ZNF827: variants seen among roughly 807,000 people sequenced by gnomAD.
The protein encoded by ZNF827 is zinc finger protein 827.
Under a neutral mutation model 102.4 loss-of-function variants are expected in ZNF827, and 13 were observed. The observed-to-expected ratio is 0.13, with a 90% CI of 0.08 to 0.20. The LOEUF is 0.20. Ranked by LOEUF, ZNF827 falls within the 10% of genes least tolerant of loss-of-function variation. The pLI is 1.00. For missense variants in ZNF827, 1,103 were observed against 1,344.4 expected (o/e 0.82, Z 2.81); for synonymous variants, 523 against 536.2 (o/e 0.98, Z 0.34).
chr4:145,814,716 G>C (rs1288019270), intron 8 of ZNF827, among the ~76,000 whole-genome samples: 1 of 148,644 alleles, frequency 6.7e-6, no homozygotes, highest in Non-Finnish European at 1.5e-5. Context: ...CTGAAGTCAG[G>C]AGTTCAAGAC....
At position 145,823,537 on chromosome 4, in the gene ZNF827, G is replaced by T; in HGVS notation, c.2280-12C>A. The T allele has an allele frequency of 2.6e-6, 4 of 1,546,652 alleles. No homozygotes were observed. The highest frequency in any genetic ancestry group is 1.1e-5 in the South Asian group (1 of 89,582). ...CTGAAAAGAAAGGGCTGGGGTGGGG[G>T]AGGGGGAGTGAAGTTTAGTAAATTA... is the stretch of plus-strand genomic sequence containing the variant. On this transcript the variant is annotated splice_polypyrimidine_tract_variant and intron_variant, in intron 7 of 14. Coordinates refer to ENST00000508784, the MANE Select transcript of ZNF827 (RefSeq NM_001306215.2).
Position 145,892,433 on chromosome 4 carries a change from GA to G in ZNF827, c.1094-19del, listed in dbSNP as rs1463095354. On this transcript the variant is annotated intron_variant, in intron 2 of 14. Transcript: ENST00000508784. ...TTCTGAGGCTTGGAAGAAGGAGAAA[GA>G]AAGGACCATTAAGGAAAACAAAAAG... 21 of 1,602,174 alleles carry G rather than the reference GA, an allele frequency of 1.3e-5. No individual in the cohort carries two copies. The highest frequency in any genetic ancestry group is 1.6e-5 in the Non-Finnish European group (19 of 1,173,590).
chr4:145,929,366 T>C (rs866448569), intron 1 of ZNF827, among the ~76,000 whole-genome samples: 1 of 152,236 alleles, frequency 6.6e-6, no homozygotes, highest in African/African-American at 2.4e-5. Context: ...TAAATATTTA[T>C]GGAATACCTA....
Position 145,836,576 on chromosome 4 carries a change from T to C in ZNF827, c.2279+9380A>G, listed in dbSNP as rs548906824. Reference sequence around the variant, plus strand: ...TTTGTTGAGTCTCCCACAATTACCATTGTTCCTGGCTCGGACTTCAATCCG... The same window carrying C: ...TTTGTTGAGTCTCCCACAATTACCACTGTTCCTGGCTCGGACTTCAATCCG... On this transcript the variant is annotated intron_variant, in intron 7 of 14. Transcript: ENST00000508784. 9.8e-5 allele frequency among the ~76,000 whole-genome samples: 15 copies of C among 152,304 alleles called. No homozygotes were observed. In the East Asian group the frequency reaches 1.9e-3, roughly 20 times the overall value.
chr4:145,850,299 T>C (rs1054953315), intron 5 of ZNF827, among the ~76,000 whole-genome samples: 42 of 152,282 alleles, frequency 2.8e-4, no homozygotes, highest in African/African-American at 9.9e-4. Flanking sequence ...CATGAGCCAC[T>C]GCGCCCGGCC....
At chr4:145,814,578 G>C (rs1742375257) in intron 8 of ZNF827, among the ~76,000 whole-genome samples, 2 of 150,466 alleles carry the variant, frequency 1.3e-5, no homozygotes, top group African/African-American at 4.9e-5. Flanking sequence ...TTTCCATCTT[G>C]CTACCAGTGT....
chr4:145,793,376 T>C (rs1740028414), intron 8 of ZNF827, among the ~76,000 whole-genome samples: 2 of 149,112 alleles, frequency 1.3e-5, no homozygotes, highest in South Asian at 2.1e-4. Context: ...ACTTACACTA[T>C]CATAAGGTCC....
Position 145,902,602 on chromosome 4 carries a change from G to A in ZNF827, c.657C>T (p.Ala219=). 1.2e-6 allele frequency: 2 copies of A among 1,614,048 alleles called. No individual in the cohort carries two copies. The highest frequency in any genetic ancestry group is 1.7e-6 in the Non-Finnish European group (2 of 1,179,944). ...DSAILKLKAA[A]NAVLQDKSLT... ...GAGATTTGTCCTGCAGAACGGCATT[G>A]GCTGCAGCTTTCAGTTTTAGGATGG... Residue 219 remains alanine, a synonymous_variant, in exon 2 of 15, where the codon GCC becomes GCT. Coordinates refer to ENST00000508784, the MANE Select transcript of ZNF827 (RefSeq NM_001306215.2). The surrounding 1 kb of genome is among the most constrained non-coding windows in gnomAD (Gnocchi z 4.3).
chr4:145,833,576 T>A (rs1034901759), intron 7 of ZNF827, among the ~76,000 whole-genome samples: 2 of 152,024 alleles, frequency 1.3e-5, no homozygotes, highest in African/African-American at 4.8e-5. Flanking sequence ...CCCCTTCTCC[T>A]TCACCCTTAG....
In ZNF827 at chr4:145,804,142, C is replaced by T. The variant is rs908095602; in HGVS notation, c.2383+19280G>A. 3.1e-4 allele frequency among the ~76,000 whole-genome samples: 47 copies of T among 152,124 alleles called. 1 individual carries two copies. The highest frequency in any genetic ancestry group is 1.0e-3 in the African/African-American group (43 of 41,416). On this transcript the variant is annotated intron_variant, in intron 8 of 14. Transcript: ENST00000508784. ...AAGGAAATGAACGCATATACATATG[C>T]GTGTGTACACACAGAAGTGAAAATT...
chr4:145,760,667 T>C lies in ZNF827; in HGVS notation c.*949A>G. 1 of 697,228 alleles carries C rather than the reference T, an allele frequency of 1.4e-6. No homozygotes were observed. The highest frequency in any genetic ancestry group is 1.9e-6 in the Non-Finnish European group (1 of 535,108). The allele number at this position is 697,228 out of a possible 1,614,324, so 43.2% of individuals were successfully genotyped here. A position where few individuals can be genotyped will look rare whatever the true frequency, so the allele number is the denominator to read the frequency against. On this transcript the variant is annotated 3_prime_UTR_variant, in exon 15 of 15. Transcript: ENST00000508784. The stretch of plus-strand genomic sequence containing the variant: ...TACACATGTTCCAGACCCATCGGGG[T>C]CTGTAGGTTTTGCAGCAACATACAC...
intron 8 of ZNF827, among the ~76,000 whole-genome samples, chr4:145,797,116 T>G (rs947848732): frequency 3.9e-5 from 6 of 152,216 alleles, no homozygotes; most frequent in African/African-American, 1.4e-4. Flanking sequence ...TTACAAAGAA[T>G]TTTGGTCTCT....
chr4:145,930,460 TAG>T (rs772079999), intron 1 of ZNF827, among the ~76,000 whole-genome samples: 33 of 152,170 alleles, frequency 2.2e-4, no homozygotes, highest in Non-Finnish European at 4.1e-4. Context: ...GAGAAAGAGA[TAG>T]AGAGACAGGT....
At chr4:145,893,323 G>C (rs1418540635) in intron 2 of ZNF827, among the ~76,000 whole-genome samples, 1 of 152,172 alleles carries the variant, frequency 6.6e-6, no homozygotes, top group Non-Finnish European at 1.5e-5. Flanking sequence ...TAGGGATACA[G>C]GGAATAAAAA....
At chr4:145,813,844 G>A (rs1579265747) in intron 8 of ZNF827, among the ~76,000 whole-genome samples, 1 of 152,204 alleles carries the variant, frequency 6.6e-6, no homozygotes, top group Non-Finnish European at 1.5e-5. Flanking sequence ...AGAGGCCACT[G>A]TAATCCAGAG....
At chr4:145,881,981 C>T (rs568491840) in intron 4 of ZNF827, among the ~76,000 whole-genome samples, 29 of 152,250 alleles carry the variant, frequency 1.9e-4, no homozygotes, top group South Asian at 2.1e-4. Flanking sequence ...AAGAAAATAC[C>T]AATGTCCAGG....
chr4:145,906,091 A>G (rs2126904003), intron 1 of ZNF827, among the ~76,000 whole-genome samples: 1 of 152,356 alleles, frequency 6.6e-6, no homozygotes, highest in South Asian at 2.1e-4. Context: ...ACGTTAAGTA[A>G]AGGTTACTGG....
chr4:145,887,753 G>T (rs974161227), intron 3 of ZNF827, among the ~76,000 whole-genome samples: 1 of 152,116 alleles, frequency 6.6e-6, no homozygotes, highest in African/African-American at 2.4e-5. Context: ...CATCTCCTCC[G>T]ACCAATTCAC....
At chr4:145,923,136 AAAT>A (rs1363590511) in intron 1 of ZNF827, among the ~76,000 whole-genome samples, 2 of 152,214 alleles carry the variant, frequency 1.3e-5, no homozygotes, top group Non-Finnish European at 2.9e-5. Context: ...TAATGCTTCA[AAAT>A]ATGAAAAGTT....
Sources: gnomAD v4.1 joint callset for allele counts (sites outside exome capture counted in the v4.1 genomes callset) on GRCh38, gnomAD v4.1.1 for gene constraint, Gnocchi (gnomAD v3.1) non-coding constraint, MANE v1.5 for transcripts, NCBI Gene and HGNC (gene_info 2026-07-23, HGNC 2026-07-21) for gene names.